The following ARL8A variants were observed in gnomAD, a reference collection of about 807,000 sequenced individuals.
ARL8A encodes the protein ARF like GTPase 8A.
ARL8A carries 10 observed loss-of-function variants against 31.2 expected under a neutral mutation model. The observed-to-expected ratio is 0.32, with a 90% CI of 0.20 to 0.54. ARL8A has a LOEUF of 0.54. Among genes scored for constraint, ARL8A ranks in the 20% least tolerant of loss-of-function variants. The probability of loss-of-function intolerance (pLI) is 0.93; values close to 1 mark genes in which losing one functional copy is unlikely to be tolerated. For synonymous variants in ARL8A, 70 were observed against 86.9 expected, an observed-to-expected ratio of 0.81 and a Z score of 1.08; for missense variants, 129 against 242.8, an observed-to-expected ratio of 0.53 and a Z score of 3.12.
Position 202,144,106 on chromosome 1 carries a change from G to A in ARL8A, c.123+344C>T, listed in dbSNP as rs952493885. Among the ~76,000 whole-genome samples, 1 of 152,190 alleles carries A rather than the reference G, an allele frequency of 6.6e-6. No individual in the cohort carries two copies. The highest frequency in any genetic ancestry group is 1.5e-5 in the Non-Finnish European group (1 of 68,016). On this transcript the variant is annotated intron_variant, in intron 1 of 6. Coordinates refer to ENST00000272217, the MANE Select transcript of ARL8A (RefSeq NM_138795.4). This position sits in a 1 kb window ranked among gnomAD's most constrained non-coding sequence, Gnocchi z 5.2. The stretch of plus-strand genomic sequence containing the variant: ...CCCCGTCATGCCCCCTTGCGCGGGG[G>A]CCAGAGGGGGCCCGTCTCAGCCGGC...
chr1:202,134,432 G>T lies in ARL8A; in HGVS notation c.*35C>A. On this transcript the variant is annotated 3_prime_UTR_variant, in exon 7 of 7. Transcript: ENST00000272217. The surrounding 1 kb of genome is among the most constrained non-coding windows in gnomAD (Gnocchi z 4.2). ...GAGCTCGGCTTCAGGTTTAGATGAT[G>T]ACGGTCCCTGGTCTGAGGGAGAAGG... 6.2e-7 allele frequency: 1 copy of T among 1,600,946 alleles called. No homozygotes were observed. Among genetic ancestry groups the T allele is most frequent in the Non-Finnish European group, 8.6e-7 (1 of 1,168,466 alleles).
At position 202,135,684 on chromosome 1, in the gene ARL8A, C is replaced by T; in HGVS notation, c.372+23G>A. On this transcript the variant is annotated intron_variant, in intron 4 of 6. Transcript: ENST00000272217. This position sits in a 1 kb window ranked among gnomAD's most constrained non-coding sequence, Gnocchi z 5.3. ...CTTCCCAGCCGAGCTCCCTCCCCAT[C>T]CCGCTCCCTCAGGTCTGCTGACCGG... 1 of 1,608,770 alleles carries T rather than the reference C, an allele frequency of 6.2e-7. No homozygotes were observed. The highest frequency in any genetic ancestry group is 2.2e-5 in the East Asian group (1 of 44,846).
chr1:202,134,275 T>TG lies in ARL8A; in HGVS notation c.*191dup. 1.8e-6 allele frequency: 1 copy of TG among 563,680 alleles called. No individual in the cohort carries two copies. Among genetic ancestry groups the TG allele is most frequent in the Non-Finnish European group, 3.2e-6 (1 of 316,248 alleles). The allele number at this position is 563,680 out of a possible 1,614,324, so 34.9% of individuals were successfully genotyped here. On this transcript the variant is annotated 3_prime_UTR_variant, in exon 7 of 7. Coordinates refer to ENST00000272217, the MANE Select transcript of ARL8A (RefSeq NM_138795.4). This position sits in a 1 kb window ranked among gnomAD's most constrained non-coding sequence, Gnocchi z 4.2. ...AGGGTGAGAAGTTAGGGGACCAGAA[T>TG]GGGGGGCAATTTATTTTACAATAAA...
Position 202,135,499 on chromosome 1 carries a change from G to C in ARL8A, c.400C>G (p.Leu134Val). 1 of 1,614,140 alleles carries C rather than the reference G, an allele frequency of 6.2e-7. No homozygotes were observed. The highest frequency in any genetic ancestry group is 8.5e-7 in the Non-Finnish European group (1 of 1,180,020). Reference protein sequence around the residue: ...PVLVLGNKRDLPGALDEKELI... With the variant: ...PVLVLGNKRDVPGALDEKELI... Reference sequence around the variant, plus strand: ...TCCTTCTCATCCAATGCTCCCGGAAGGTCTCGCTTGTTACCCAGGACTAAG... The same window carrying C: ...TCCTTCTCATCCAATGCTCCCGGAACGTCTCGCTTGTTACCCAGGACTAAG... Residue 134 changes from leucine (L) to valine (V), a missense_variant, in exon 5 of 7, where the codon CTT becomes GTT. Physicochemically the swap from Leu to Val is conservative, Grantham distance 32 (BLOSUM62 1). Coordinates refer to ENST00000272217, the MANE Select transcript of ARL8A (RefSeq NM_138795.4). The surrounding 1 kb of genome is among the most constrained non-coding windows in gnomAD (Gnocchi z 5.3).
Position 202,144,563 on chromosome 1 carries a change from A to C in ARL8A, c.10T>G (p.Leu4Val). 7.0e-7 allele frequency: 1 copy of C among 1,434,122 alleles called. No homozygotes were observed. The allele number at this position is 1,434,122 out of a possible 1,614,324, so 88.8% of individuals were successfully genotyped here. A position where few individuals can be genotyped will look rare whatever the true frequency, so the allele number is the denominator to read the frequency against. MIA[L>V]FNKLLDWFKA... ...AACCAGTCCAGCAGCTTGTTGAACA[A>C]AGCGATCATGGTCGCTGCCGCCGGC... The change falls in exon 1 of 7, where the codon TTG becomes GTG. Residue 4 changes from leucine (L) to valine (V), a missense_variant. Transcript: ENST00000272217. The surrounding 1 kb of genome is among the most constrained non-coding windows in gnomAD (Gnocchi z 5.2).
At position 202,135,085 on chromosome 1, in the gene ARL8A, C is replaced by T; in HGVS notation, c.511+65G>A. 6.7e-7 allele frequency: 1 copy of T among 1,498,616 alleles called. No individual in the cohort carries two copies. The highest frequency in any genetic ancestry group is 1.1e-5 in the South Asian group (1 of 88,152). 92.8% of individuals were successfully genotyped at this position (1,498,616 alleles called of 1,614,324 possible). A position where few individuals can be genotyped will look rare whatever the true frequency, so the allele number is the denominator to read the frequency against. On this transcript the variant is annotated intron_variant, in intron 6 of 6. Coordinates refer to ENST00000272217, the MANE Select transcript of ARL8A (RefSeq NM_138795.4). The surrounding 1 kb of genome is among the most constrained non-coding windows in gnomAD (Gnocchi z 5.3). Reference sequence around the variant, plus strand: ...TCAGGGAAAGTTGTGGAGCGAGAACCTGAGAGCCACTAAAACACTCAGAAA... The same window carrying T: ...TCAGGGAAAGTTGTGGAGCGAGAACTTGAGAGCCACTAAAACACTCAGAAA...
In ARL8A at chr1:202,135,205, G is replaced by A; in HGVS notation, c.456C>T (p.Ile152=). 6.2e-7 allele frequency: 1 copy of A among 1,614,116 alleles called. No individual in the cohort carries two copies. The highest frequency in any genetic ancestry group is 1.1e-5 in the South Asian group (1 of 91,084). The change falls in exon 6 of 7, where the codon ATC becomes ATT. Residue 152 remains isoleucine (I), a synonymous_variant. Coordinates refer to ENST00000272217, the MANE Select transcript of ARL8A (RefSeq NM_138795.4). This position sits in a 1 kb window ranked among gnomAD's most constrained non-coding sequence, Gnocchi z 5.3. ...ELIEKMNLSA[I]QDREICCYSI... ...AGTAGCAGCAGATCTCTCGGTCCTG[G>A]ATGGCAGACAGATTCCTGGGGGAAA...
At chr1:202,139,680 C>G (rs1655115000) in intron 1 of ARL8A, among the ~76,000 whole-genome samples, 1 of 107,634 alleles carries the variant, frequency 9.3e-6, no homozygotes, top group African/African-American at 3.6e-5. Context: ...GAGTCTCGCT[C>G]TATGGCCCAG....
At chr1:202,143,344 C>A (rs1428496465) in intron 1 of ARL8A, among the ~76,000 whole-genome samples, 1 of 152,208 alleles carries the variant, frequency 6.6e-6, no homozygotes, top group Non-Finnish European at 1.5e-5. Context: ...GGTGGGGCAA[C>A]AACACGGACA....
chr1:202,139,271 G>A (rs996272494), intron 1 of ARL8A, among the ~76,000 whole-genome samples: 1 of 152,168 alleles, frequency 6.6e-6, no homozygotes, highest in Admixed American at 6.6e-5. Context: ...TCCCTTGGAA[G>A]CAGGCTAAAG....
At chr1:202,139,463 C>T (rs1283913762) in intron 1 of ARL8A, among the ~76,000 whole-genome samples, 2 of 151,396 alleles carry the variant, frequency 1.3e-5, no homozygotes, top group Non-Finnish European at 2.9e-5. Context: ...ATCCCAGCTA[C>T]TTGGGAGGCT....
chr1:202,135,864 GAGA>G lies in ARL8A; in HGVS notation c.279-67_279-65del, dbSNP rs1654992272. On this transcript the variant is annotated intron_variant, in intron 3 of 6. Transcript: ENST00000272217. This position sits in a 1 kb window ranked among gnomAD's most constrained non-coding sequence, Gnocchi z 5.3. The stretch of plus-strand genomic sequence containing the variant: ...CCACAGGCTGAGGTGGTGCAAGGAA[GAGA>G]AGGAGCTGCTGCTTGGAGGTGAAAG... The G allele has an allele frequency of 7.0e-7, 1 of 1,429,432 alleles. No homozygotes were observed. Among genetic ancestry groups the G allele is most frequent in the East Asian group, 2.3e-5 (1 of 43,678 alleles). 88.5% of individuals were successfully genotyped at this position (1,429,432 alleles called of 1,614,324 possible).
At chr1:202,143,030 C>T (rs1420013547) in intron 1 of ARL8A, among the ~76,000 whole-genome samples, 1 of 151,896 alleles carries the variant, frequency 6.6e-6, no homozygotes, top group Non-Finnish European at 1.5e-5. Flanking sequence ...GGTCTCTGAC[C>T]CCAAGGGCAG....
In ARL8A at chr1:202,135,018, CCTGGCTGCCTTTTCTACCCAAGAGCCA is replaced by C; in HGVS notation, c.511+105_511+131del. 1.2e-6 allele frequency: 1 copy of C among 864,414 alleles called. No individual in the cohort carries two copies. Among genetic ancestry groups the C allele is most frequent in the Admixed American group, 2.3e-5 (1 of 43,404 alleles). 53.5% of individuals were successfully genotyped at this position (864,414 alleles called of 1,614,324 possible). A position where few individuals can be genotyped will look rare whatever the true frequency, so the allele number is the denominator to read the frequency against. On this transcript the variant is annotated intron_variant, in intron 6 of 6. Coordinates refer to ENST00000272217, the MANE Select transcript of ARL8A (RefSeq NM_138795.4). The surrounding 1 kb of genome is among the most constrained non-coding windows in gnomAD (Gnocchi z 5.3). ...GGGATAGTGCCCAGAATCTGGGCCA[CCTGGCTGCCTTTTCTACCCAAGAGCCA>C]CAGGGCTTTGGACTTCAGGGAAAGT...
intron 1 of ARL8A, among the ~76,000 whole-genome samples, chr1:202,142,476 C>A (rs985393195): frequency 6.6e-6 from 1 of 152,230 alleles, no homozygotes; most frequent in Non-Finnish European, 1.5e-5. Context: ...CCCAGAGGAT[C>A]TGAAAACACT....
intron 1 of ARL8A, among the ~76,000 whole-genome samples, chr1:202,142,701 G>T (rs1371406580): frequency 6.6e-6 from 1 of 152,160 alleles, no homozygotes; most frequent in East Asian, 1.9e-4. Context: ...GGGAATTTGG[G>T]ACTCTTGGGT....
chr1:202,137,482 C>G (rs1433990149), intron 3 of ARL8A, among the ~76,000 whole-genome samples: 1 of 152,062 alleles, frequency 6.6e-6, no homozygotes, highest in Non-Finnish European at 1.5e-5. Context: ...ACAAAAGTGG[C>G]CAGGCGTGGT....
rs750662040 is a variant in ARL8A, at chr1:202,144,604, G to C, written c.-32C>G. ...TGCCGCCGGCCCCGCCCGGTGCCAG[G>C]TCCCCGCCGCCCCTCGCTGCCCTCG... On this transcript the variant is annotated 5_prime_UTR_variant, in exon 1 of 7. Transcript: ENST00000272217. This position sits in a 1 kb window ranked among gnomAD's most constrained non-coding sequence, Gnocchi z 5.2. 5.8e-6 allele frequency: 8 copies of C among 1,384,870 alleles called. No individual in the cohort carries two copies. In the South Asian group the frequency reaches 7.5e-5, roughly 13 times the overall value. The allele number at this position is 1,384,870 out of a possible 1,614,324, so 85.8% of individuals were successfully genotyped here. A position where few individuals can be genotyped will look rare whatever the true frequency, so the allele number is the denominator to read the frequency against.
In ARL8A at chr1:202,138,335, T is replaced by C; in HGVS notation, c.204+33A>G. 1 of 1,565,864 alleles carries C rather than the reference T, an allele frequency of 6.4e-7. No individual in the cohort carries two copies. On this transcript the variant is annotated intron_variant, in intron 2 of 6. Coordinates refer to ENST00000272217, the MANE Select transcript of ARL8A (RefSeq NM_138795.4). This position sits in a 1 kb window ranked among gnomAD's most constrained non-coding sequence, Gnocchi z 4.4. ...CACACACACACACACACAAAAACAG[T>C]CCTCTGCACCCCCCAAGCTTCTGGG...
Sources: gnomAD v4.1 joint callset for allele counts (sites outside exome capture counted in the v4.1 genomes callset) on GRCh38, gnomAD v4.1.1 for gene constraint, Gnocchi (gnomAD v3.1) non-coding constraint, MANE v1.5 for transcripts, NCBI Gene and HGNC (gene_info 2026-07-23, HGNC 2026-07-21) for gene names.